Variants in CMSS1 observed in about 807,000 individuals in gnomAD.
CMSS1 encodes protein CMSS1.
In CMSS1, 33 loss-of-function variants were observed where a neutral mutation model predicts 43.5. The observed-to-expected ratio is 0.76, with a 90% CI of 0.57 to 1.01. CMSS1 has a LOEUF of 1.01. Ranked by LOEUF, CMSS1 falls within the 50% of genes least tolerant of loss-of-function variation. CMSS1 has a pLI of 0.00. For missense variants in CMSS1, 313 were observed against 326.4 expected, an observed-to-expected ratio of 0.96 and a Z score of 0.32; for synonymous variants, 115 against 117.2, an observed-to-expected ratio of 0.98 and a Z score of 0.12.
intron 1 of CMSS1, chr3:99,830,522 G>A: frequency 2.2e-6 from 1 of 456,698 alleles, no homozygotes; most frequent in Non-Finnish European, 4.4e-6. Flanking sequence ...GCACTGTGGG[G>A]GCTTTAGTGG....
chr3:99,986,858 A>G (rs1709356474), intron 1 of CMSS1, among the ~76,000 whole-genome samples: 1 of 152,168 alleles, frequency 6.6e-6, no homozygotes, highest in African/African-American at 2.4e-5. Flanking sequence ...AGTTATTCAG[A>G]CCAAAATGTC....
chr3:100,122,623 G>A (rs1285390296), intron 1 of CMSS1, among the ~76,000 whole-genome samples: 1 of 152,170 alleles, frequency 6.6e-6, no homozygotes, highest in Admixed American at 6.5e-5. Context: ...ATACATAATA[G>A]GAACTCTGCT....
intron 1 of CMSS1, chr3:100,010,294 G>GA (rs982635139): frequency 1.1e-3 from 228 of 199,904 alleles, no homozygotes; most frequent in Non-Finnish European, 1.8e-3. Context: ...TGCATGGAAG[G>GA]AAAAAAAAAT....
chr3:100,125,757 T>C (rs2066657566), intron 1 of CMSS1, among the ~76,000 whole-genome samples: 1 of 152,186 alleles, frequency 6.6e-6, no homozygotes, highest in Admixed American at 6.5e-5. Context: ...TTTCTACATA[T>C]GTAAATTACA....
intron 1 of CMSS1, among the ~76,000 whole-genome samples, chr3:100,085,193 G>T (rs2065988742): frequency 6.6e-6 from 1 of 152,234 alleles, no homozygotes; most frequent in South Asian, 2.1e-4. Flanking sequence ...AGTATCTAAG[G>T]TGATTATACC....
chr3:99,888,206 A>G (rs912767197), intron 1 of CMSS1, among the ~76,000 whole-genome samples: 4 of 152,170 alleles, frequency 2.6e-5, no homozygotes, highest in African/African-American at 2.4e-5. Context: ...CTTATTAAAT[A>G]TTAGAATAGC....
intron 1 of CMSS1, among the ~76,000 whole-genome samples, chr3:100,021,705 TTCAGATG>T (rs1255495592): frequency 6.6e-6 from 1 of 152,156 alleles, no homozygotes; most frequent in East Asian, 1.9e-4. Context: ...AAGATCTAAA[TTCAGATG>T]CCAGTGAAAG....
chr3:100,024,935 C>T (rs905131191), intron 1 of CMSS1, among the ~76,000 whole-genome samples: 1 of 152,160 alleles, frequency 6.6e-6, no homozygotes, highest in African/African-American at 2.4e-5. Context: ...TTTTAATGTG[C>T]TTGTCTGACT....
chr3:99,887,760 G>A (rs1705955369), intron 1 of CMSS1, among the ~76,000 whole-genome samples: 1 of 151,970 alleles, frequency 6.6e-6, no homozygotes, highest in African/African-American at 2.4e-5. Flanking sequence ...ATTGAGATAG[G>A]GCCTCATTCT....
intron 1 of CMSS1, among the ~76,000 whole-genome samples, chr3:99,909,676 C>G (rs140003823): frequency 2.2e-4 from 33 of 152,142 alleles, no homozygotes; most frequent in African/African-American, 7.7e-4. Flanking sequence ...TTTCATCATA[C>G]AGATGAAAAA....
intron 1 of CMSS1, among the ~76,000 whole-genome samples, chr3:100,074,226 CT>C (rs1182797004): frequency 6.6e-6 from 1 of 152,238 alleles, no homozygotes; most frequent in Non-Finnish European, 1.5e-5. Context: ...GACAGCCCCC[CT>C]GGGCCTCCAG....
chr3:100,158,787 T>C (rs1266091670), intron 2 of CMSS1, among the ~76,000 whole-genome samples: 1 of 152,256 alleles, frequency 6.6e-6, no homozygotes, highest in East Asian at 1.9e-4. Flanking sequence ...ATTCTTACAA[T>C]TGAGCTCATT....
chr3:99,950,423 G>A (rs1271996328), intron 1 of CMSS1, among the ~76,000 whole-genome samples: 2 of 152,152 alleles, frequency 1.3e-5, no homozygotes, highest in East Asian at 3.8e-4. Flanking sequence ...GTTGCCCAAA[G>A]CCACAAAGTT....
At chr3:99,922,573 T>C (rs1457867309) in intron 1 of CMSS1, among the ~76,000 whole-genome samples, 1 of 152,214 alleles carries the variant, frequency 6.6e-6, no homozygotes, top group African/African-American at 2.4e-5. Flanking sequence ...GCTATTAGCC[T>C]AGATATTGAG....
intron 1 of CMSS1, among the ~76,000 whole-genome samples, chr3:99,917,629 T>C (rs2107646603): frequency 6.6e-6 from 1 of 152,360 alleles, no homozygotes; most frequent in South Asian, 2.1e-4. Context: ...TAATTTTTTA[T>C]AGTTATCTGG....
Position 100,060,640 on chromosome 3 carries a change from A to G in CMSS1, c.65-86333A>G, listed in dbSNP as rs148325087. On this transcript the variant is annotated intron_variant, in intron 1 of 9. Coordinates refer to ENST00000421999, the MANE Select transcript of CMSS1 (RefSeq NM_032359.4). ...GAGGCTGAAGCAGACAGATACCTTG[A>G]GCTCACAAATTTGAGACCAGCCTGG... is the stretch of plus-strand genomic sequence containing the variant. Among the ~76,000 whole-genome samples the G allele has an allele frequency of 4.3e-3, 657 of 152,192 alleles. 7 individuals carry two copies. The highest frequency in any genetic ancestry group is 0.016 in the African/African-American group (644 of 41,538).
chr3:99,925,381 G>C (rs1576576963), intron 1 of CMSS1, among the ~76,000 whole-genome samples: 1 of 152,100 alleles, frequency 6.6e-6, no homozygotes. Context: ...CCTGAAAGCT[G>C]GGCCTACATC....
chr3:100,151,511 G>A (rs879660156), intron 2 of CMSS1, among the ~76,000 whole-genome samples: 1 of 152,152 alleles, frequency 6.6e-6, no homozygotes, highest in Non-Finnish European at 1.5e-5. Context: ...TCACAGCGTT[G>A]CAGTTGCCTT....
intron 1 of CMSS1, among the ~76,000 whole-genome samples, chr3:99,890,680 C>T (rs144460847): frequency 6.7e-4 from 101 of 151,648 alleles, no homozygotes; most frequent in African/African-American, 2.3e-3. Context: ...TCTAGTTTGA[C>T]CATTTTCTAT....
Sources: allele counts gnomAD v4.1 joint callset (sites outside exome capture counted in the v4.1 genomes callset), GRCh38; gene constraint gnomAD v4.1.1; transcripts MANE v1.5; gene names NCBI Gene and HGNC (gene_info 2026-07-23, HGNC 2026-07-21).